The following GRIA2 variants were observed in gnomAD, a reference collection of about 807,000 sequenced individuals.
GRIA2 encodes glutamate receptor 2.
GRIA2 carries 14 observed loss-of-function variants against 97.3 expected under a neutral mutation model. The ratio of observed to expected loss-of-function variants is 0.14; its 90% confidence interval spans 0.10 to 0.23. GRIA2 has a LOEUF of 0.23. Ranked by LOEUF, GRIA2 falls within the 10% of genes least tolerant of loss-of-function variation. GRIA2 has a pLI of 1.00. For missense variants in GRIA2, 558 were observed against 1,069.8 expected, an observed-to-expected ratio of 0.52 and a Z score of 6.67; for synonymous variants, 412 against 387.8, an observed-to-expected ratio of 1.06 and a Z score of -0.73.
intron 6 of GRIA2, among the ~76,000 whole-genome samples, chr4:157,325,621 T>C (rs1734769449): frequency 6.6e-6 from 1 of 152,176 alleles, no homozygotes; most frequent in Admixed American, 6.5e-5. Flanking sequence ...TCCTCACTAC[T>C]TCCTCCTCAG....
chr4:157,306,772 C>T (rs1733864453), intron 3 of GRIA2, among the ~76,000 whole-genome samples: 1 of 152,174 alleles, frequency 6.6e-6, no homozygotes, highest in East Asian at 1.9e-4. Context: ...CATCATGCTA[C>T]ATTTTAACGA....
intron 12 of GRIA2, among the ~76,000 whole-genome samples, chr4:157,355,914 T>TA (rs1736287637): frequency 4.4e-5 from 2 of 45,628 alleles, no homozygotes; most frequent in East Asian, 7.7e-4. Context: ...TATATATATA[T>TA]TAATATATTT....
At chr4:157,277,272 T>C (rs915751722) in intron 2 of GRIA2, among the ~76,000 whole-genome samples, 13 of 151,736 alleles carry the variant, frequency 8.6e-5, no homozygotes, top group Non-Finnish European at 1.3e-4. Flanking sequence ...ATCAACAAAC[T>C]AAAAAAGAAA....
At chr4:157,333,139 ATAT>A in intron 7 of GRIA2, 107 bp from the exon 8 acceptor site, 1 of 896,130 alleles carries the variant, frequency 1.1e-6, no homozygotes, top group Non-Finnish European at 1.7e-6. Context: ...AGAGAAACAA[ATAT>A]TATTGATGTA....
chr4:157,273,948 G>C (rs542382159), intron 2 of GRIA2, among the ~76,000 whole-genome samples: 5 of 152,142 alleles, frequency 3.3e-5, no homozygotes, highest in African/African-American at 1.2e-4. Flanking sequence ...TCAGAGATAA[G>C]TAAAAGATAT....
At chr4:157,340,918 G>T (rs1735520058) in intron 11 of GRIA2, among the ~76,000 whole-genome samples, 1 of 151,768 alleles carries the variant, frequency 6.6e-6, no homozygotes, top group African/African-American at 2.4e-5. Flanking sequence ...ACATTCTCTT[G>T]TTTATGTTTA....
chr4:157,256,183 A>T (rs965141999), intron 2 of GRIA2, among the ~76,000 whole-genome samples: 49 of 136,436 alleles, frequency 3.6e-4, no homozygotes, highest in East Asian at 1.0e-3. Flanking sequence ...TATTATATAT[A>T]ATATATAACA....
At position 157,322,020 on chromosome 4, in the gene GRIA2, G is replaced by T. The variant is rs140410271; in HGVS notation, c.882+421G>T. ...ACAGAAAACTCTTAGCGACATGGAG[G>T]GGGTAGGGAATTTTTAAGCTGAGAC... is the stretch of plus-strand genomic sequence containing the variant. On this transcript the variant is annotated intron_variant, in intron 6 of 15. Coordinates refer to ENST00000264426, the MANE Select transcript of GRIA2 (RefSeq NM_001083619.3). Among the ~76,000 whole-genome samples, 29 of 152,152 alleles carry T rather than the reference G, an allele frequency of 1.9e-4. No individual in the cohort carries two copies. In the East Asian group the frequency reaches 3.9e-3, roughly 20 times the overall value.
intron 6 of GRIA2, among the ~76,000 whole-genome samples, chr4:157,322,213 AAGAG>A (rs1247570735): frequency 8.0e-5 from 11 of 137,262 alleles, no homozygotes; most frequent in African/African-American, 2.7e-4. Context: ...GAGAGAGAGA[AAGAG>A]AGAGAGTGAG....
chr4:157,266,234 G>A (rs999905987), intron 2 of GRIA2, among the ~76,000 whole-genome samples: 25 of 152,088 alleles, frequency 1.6e-4, no homozygotes, highest in African/African-American at 5.1e-4. Context: ...TGGGATTCAG[G>A]AGTAAGATCT....
intron 2 of GRIA2, among the ~76,000 whole-genome samples, chr4:157,249,127 G>A (rs1045666669): frequency 2.6e-5 from 4 of 152,132 alleles, no homozygotes; most frequent in East Asian, 1.9e-4. Context: ...GAGCCATCAC[G>A]CCCAGCTCAC....
intron 2 of GRIA2, among the ~76,000 whole-genome samples, chr4:157,285,123 G>C (rs1001760826): frequency 1.3e-5 from 2 of 151,510 alleles, no homozygotes; most frequent in Non-Finnish European, 3.0e-5. Flanking sequence ...GATATGGCAG[G>C]GTACCTCAAT....
At chr4:157,290,460 T>C (rs1733042727) in intron 2 of GRIA2, among the ~76,000 whole-genome samples, 1 of 151,266 alleles carries the variant, frequency 6.6e-6, no homozygotes, top group South Asian at 2.1e-4. Context: ...TTCTACAAGA[T>C]TCGTATTCAA....
chr4:157,340,075 T>C (rs1462450785), intron 11 of GRIA2, among the ~76,000 whole-genome samples: 1 of 151,912 alleles, frequency 6.6e-6, no homozygotes, highest in Non-Finnish European at 1.5e-5. Flanking sequence ...TTAAGTTAGC[T>C]TCTCTCCTTT....
Position 157,355,971 on chromosome 4 carries a change from A to ATGCATATT in GRIA2, c.2044-3924_2044-3923insGCATATTT, listed in dbSNP as rs1491231911. ...TATATTTATATATTTATGTATATTAATATATATATTTATATATTTATATAT... is the reference window on the plus strand; with the variant it reads ...TATATTTATATATTTATGTATATTAATGCATATTTATATATATTTATATATTTATATAT... On this transcript the variant is annotated intron_variant, in intron 12 of 15. Transcript: ENST00000264426. 4.2e-4 allele frequency among the ~76,000 whole-genome samples: 4 copies of ATGCATATT among 9,596 alleles called. No individual in the cohort carries two copies. In the East Asian group the frequency reaches 0.014, roughly 33 times the overall value. 6.3% of individuals were successfully genotyped at this position (9,596 alleles called of 152,430 possible).
At chr4:157,362,716 G>T in intron 14 of GRIA2, 83 bp from the exon 15 acceptor site, 1 of 1,173,530 alleles carries the variant, frequency 8.5e-7, no homozygotes, top group Non-Finnish European at 1.2e-6. Context: ...GGTTGTTCCC[G>T]TGATAATGCT....
At chr4:157,332,645 C>T (rs1479855955) in intron 6 of GRIA2, among the ~76,000 whole-genome samples, 174 bp from the exon 7 acceptor site, 1 of 151,992 alleles carries the variant, frequency 6.6e-6, no homozygotes, top group Non-Finnish European at 1.5e-5. Context: ...TCATAGTCCC[C>T]ATGTTTTGTA....
rs2127009593 is a variant in GRIA2, at chr4:157,364,924, T to G, written c.*1493T>G. 6.6e-6 allele frequency: 1 copy of G among 151,786 alleles called. No homozygotes were observed. Among genetic ancestry groups the G allele is most frequent in the East Asian group, 1.9e-4 (1 of 5,150 alleles). 9.4% of individuals were successfully genotyped at this position (151,786 alleles called of 1,614,324 possible). On this transcript the variant is annotated 3_prime_UTR_variant, in exon 16 of 16. Transcript: ENST00000264426. ...AACTTTTGACTAAAGAGCCTATATTTATCTAGTTAATGAATTTAAAGGATC... is the reference window on the plus strand; with the variant it reads ...AACTTTTGACTAAAGAGCCTATATTGATCTAGTTAATGAATTTAAAGGATC...
chr4:157,354,264 AC>A (rs1268546470), intron 12 of GRIA2, among the ~76,000 whole-genome samples: 1 of 152,208 alleles, frequency 6.6e-6, no homozygotes, highest in Non-Finnish European at 1.5e-5. Flanking sequence ...GCAAAAACCT[AC>A]CATCTTTAGC....
Sources: gnomAD v4.1 joint callset for allele counts (sites outside exome capture counted in the v4.1 genomes callset) on GRCh38, gnomAD v4.1.1 for gene constraint, MANE v1.5 for transcripts, NCBI Gene and HGNC (gene_info 2026-07-23, HGNC 2026-07-21) for gene names.